The following RSBN1L variants were observed in gnomAD, a reference collection of about 807,000 sequenced individuals.
The protein encoded by RSBN1L is lysine-specific demethylase RSBN1L.
Under a neutral mutation model 67.7 loss-of-function variants are expected in RSBN1L, and 30 were observed. That is an observed-to-expected ratio of 0.44 (90% confidence interval 0.33 to 0.60). The LOEUF is 0.60. Ranked by LOEUF, RSBN1L falls within the 20% of genes least tolerant of loss-of-function variation. RSBN1L has a pLI of 0.02. For missense variants in RSBN1L, 992 were observed against 1,031.7 expected (o/e 0.96, Z 0.53); for synonymous variants, 433 against 387.0 (o/e 1.12, Z -1.39).
intron 3 of RSBN1L, among the ~76,000 whole-genome samples, chr7:77,751,081 C>T (rs992454949): frequency 3.9e-5 from 6 of 152,090 alleles, no homozygotes; most frequent in Admixed American, 1.3e-4. Context: ...ACATGTACCC[C>T]GCCCCCAATA....
intron 1 of RSBN1L, among the ~76,000 whole-genome samples, chr7:77,712,852 G>T (rs746703485): frequency 4.6e-5 from 7 of 152,070 alleles, no homozygotes; most frequent in Non-Finnish European, 1.0e-4. Context: ...TAAAACTTAG[G>T]ATAAAGTTCT....
intron 1 of RSBN1L, among the ~76,000 whole-genome samples, chr7:77,730,269 C>A (rs1791257036): frequency 6.6e-6 from 1 of 152,108 alleles, no homozygotes; most frequent in South Asian, 2.1e-4. Context: ...GCTTTTGGTT[C>A]ATAGCAAAAT....
rs1791945664 is a variant in RSBN1L, at chr7:77,778,319, A to G, written c.1794-19A>G. ...GAAGCATTTATGGCAGATTCTTGTT[A>G]TCTCGTTTTCTTTTTTAGGCCTGAT... On this transcript the variant is annotated intron_variant, in intron 6 of 7. Transcript: ENST00000334955. 5 of 1,535,294 alleles carry G rather than the reference A, an allele frequency of 3.3e-6. No homozygotes were observed. The highest frequency in any genetic ancestry group is 4.4e-6 in the Non-Finnish European group (5 of 1,127,656).
intron 5 of RSBN1L, among the ~76,000 whole-genome samples, chr7:77,770,947 G>A (rs189488040): frequency 1.3e-5 from 2 of 152,092 alleles, no homozygotes; most frequent in Admixed American, 6.6e-5. Flanking sequence ...GTTTTGTTTT[G>A]TTTGTTTGTT....
At chr7:77,726,713 G>A (rs185007621) in intron 1 of RSBN1L, among the ~76,000 whole-genome samples, 13 of 149,536 alleles carry the variant, frequency 8.7e-5, no homozygotes, top group Admixed American at 5.3e-4. Context: ...GGGTTCAAGC[G>A]ATTCTCTTGT....
chr7:77,710,002 G>C (rs1790952121), intron 1 of RSBN1L, among the ~76,000 whole-genome samples: 1 of 152,082 alleles, frequency 6.6e-6, no homozygotes. Flanking sequence ...CTTGGAAACT[G>C]GATTTGTACC....
At chr7:77,697,448 C>G (rs886358405) in intron 1 of RSBN1L, 1 of 169,222 alleles carries the variant, frequency 5.9e-6, no homozygotes. Context: ...TAGACGTGGT[C>G]GCGGGAATTC....
chr7:77,768,548 A>AGTATAAAGCT, intron 4 of RSBN1L, 113 bp from the exon 5 acceptor site: 1 of 880,028 alleles, frequency 1.1e-6, no homozygotes, highest in Non-Finnish European at 1.8e-6. Context: ...CAGATGCTTA[A>AGTATAAAGCT]GTATAAAGCT....
intron 1 of RSBN1L, among the ~76,000 whole-genome samples, chr7:77,732,264 T>C (rs1369396062): frequency 6.6e-6 from 1 of 152,202 alleles, no homozygotes; most frequent in East Asian, 1.9e-4. Flanking sequence ...TAATGTATTA[T>C]AGTAAACAGT....
intron 3 of RSBN1L, among the ~76,000 whole-genome samples, chr7:77,755,807 C>A (rs1449071921): frequency 6.6e-6 from 1 of 152,080 alleles, no homozygotes; most frequent in Non-Finnish European, 1.5e-5. Flanking sequence ...GTAATAAAGT[C>A]AAAAAATTAT....
rs779531960 is a variant in RSBN1L at position 77,725,244 on chromosome 7, CTTTTTTT to C, written c.587-11151_587-11145del. On this transcript the variant is annotated intron_variant, in intron 1 of 7. Transcript: ENST00000334955. ...TTCTTCCCTAGGGATAAGCCCCCCACTTTTTTTTTTTTTTTTTTTTTGAGATGGAATT... is the reference window on the plus strand; with the variant it reads ...TTCTTCCCTAGGGATAAGCCCCCCACTTTTTTTTTTTTTTGAGATGGAATT... 1.2e-4 allele frequency among the ~76,000 whole-genome samples: 9 copies of C among 73,644 alleles called. 1 individual carries two copies. Among genetic ancestry groups the C allele is most frequent in the Non-Finnish European group, 1.7e-4 (7 of 40,994 alleles). The allele number at this position is 73,644 out of a possible 152,430, so 48.3% of individuals were successfully genotyped here.
intron 1 of RSBN1L, among the ~76,000 whole-genome samples, chr7:77,734,983 C>T (rs1225461600): frequency 6.6e-6 from 1 of 151,032 alleles, no homozygotes; most frequent in Non-Finnish European, 1.5e-5. Context: ...TTCTTGTACT[C>T]AGACTGTGTA....
intron 1 of RSBN1L, among the ~76,000 whole-genome samples, chr7:77,703,279 C>G (rs1254554063): frequency 6.6e-6 from 1 of 151,932 alleles, no homozygotes; most frequent in Non-Finnish European, 1.5e-5. Context: ...TCCTAGCGCC[C>G]TCTGATTTCT....
chr7:77,703,780 G>A (rs765855776), intron 1 of RSBN1L, among the ~76,000 whole-genome samples: 23 of 151,958 alleles, frequency 1.5e-4, no homozygotes, highest in Middle Eastern at 3.4e-3. Flanking sequence ...GAGCCACCGC[G>A]CTCGGCCTAT....
In RSBN1L at chr7:77,696,892, TCTC is replaced by T. The variant is rs771395329; in HGVS notation, c.429_431del (p.Leu144del). ...CGCTGCTGCACGCTCAGCCTCACCA[TCTC>T]CTCCTGCCCGCCGCCGCCGCCGCTG... On this transcript the variant is annotated inframe_deletion, in exon 1 of 8. Coordinates refer to ENST00000334955, the MANE Select transcript of RSBN1L (RefSeq NM_198467.3). 3.7e-6 allele frequency: 6 copies of T among 1,607,206 alleles called. No individual in the cohort carries two copies. Among genetic ancestry groups the T allele is most frequent in the South Asian group, 1.1e-5 (1 of 91,042 alleles).
rs1187147055 is a variant in RSBN1L, at chr7:77,696,807, C to T, written c.338C>T (p.Pro113Leu). The change falls in exon 1 of 8, where the codon CCC becomes CTC. Residue 113 changes from proline (P) to leucine (L), a missense_variant. Physicochemically the swap from Pro to Leu is moderately conservative, Grantham distance 98. Around this residue, in one of 7 missense-constraint regions of RSBN1L, gnomAD observed 575 missense variants for 483.2 expected, o/e 1.19. Coordinates refer to ENST00000334955, the MANE Select transcript of RSBN1L (RefSeq NM_198467.3). ...SFSFSAGTAVPSSASASLSQP... is the reference protein window; with the variant it reads ...SFSFSAGTAVLSSASASLSQP... ...TCTTTCTCCGCTGGCACGGCCGTTC[C>T]CTCCTCAGCCTCCGCTTCCTTGTCT... 5 of 1,613,684 alleles carry T rather than the reference C, an allele frequency of 3.1e-6. No individual in the cohort carries two copies. Among genetic ancestry groups the T allele is most frequent in the East Asian group, 2.2e-5 (1 of 44,882 alleles).
chr7:77,704,148 A>G (rs566103710), intron 1 of RSBN1L, among the ~76,000 whole-genome samples: 2 of 152,320 alleles, frequency 1.3e-5, no homozygotes, highest in East Asian at 3.9e-4. Context: ...ATTCACAAGT[A>G]AGTATAATTT....
chr7:77,739,076 A>G (rs1791373993), intron 2 of RSBN1L, among the ~76,000 whole-genome samples: 1 of 152,234 alleles, frequency 6.6e-6, no homozygotes, highest in African/African-American at 2.4e-5. Flanking sequence ...ACTGAGTGTT[A>G]TCTGTTGTTA....
chr7:77,775,477 C>T (rs1372479330), intron 6 of RSBN1L, among the ~76,000 whole-genome samples: 6 of 151,708 alleles, frequency 4.0e-5, no homozygotes, highest in East Asian at 1.9e-4. Flanking sequence ...TGCAGTGAGC[C>T]GAGATCGTGC....
Sources: allele counts gnomAD v4.1 joint callset (sites outside exome capture counted in the v4.1 genomes callset), GRCh38; gene constraint gnomAD v4.1.1; regional missense constraint gnomAD v4.1.1; transcripts MANE v1.5; gene names NCBI Gene and HGNC (gene_info 2026-07-23, HGNC 2026-07-21).